Variants in PDIA5 observed in about 807,000 individuals in gnomAD.
PDIA5 encodes the protein protein disulfide isomerase family A member 5, also known as protein disulfide-isomerase A5.
In PDIA5, 58 loss-of-function variants were observed where a neutral mutation model predicts 77.6. The ratio of observed to expected loss-of-function variants is 0.75; its 90% CI spans 0.61 to 0.93. The LOEUF (loss-of-function observed/expected upper bound fraction) is 0.93, where lower values mean the gene tolerates loss of function less well. Ranked by LOEUF, PDIA5 falls within the 40% of genes least tolerant of loss-of-function variation. PDIA5 has a pLI of 0.00. For synonymous variants in PDIA5, 250 were observed against 252.1 expected, an observed-to-expected ratio of 0.99 and a Z score of 0.08; for missense variants, 630 against 647.7, an observed-to-expected ratio of 0.97 and a Z score of 0.30.
intron 11 of PDIA5, among the ~76,000 whole-genome samples, chr3:123,135,427 G>A (rs535022001): frequency 4.1e-4 from 63 of 152,230 alleles, no homozygotes; most frequent in African/African-American, 1.5e-3. Context: ...TGGGGGCCAC[G>A]TGGCTCTACC....
intron 11 of PDIA5, among the ~76,000 whole-genome samples, chr3:123,140,723 T>C (rs1935611142): frequency 6.6e-6 from 1 of 152,202 alleles, no homozygotes; most frequent in Admixed American, 6.5e-5. Context: ...CTGTGTCATG[T>C]GTCTGGTGGG....
At chr3:123,103,446 A>T (rs1007579576) in intron 5 of PDIA5, among the ~76,000 whole-genome samples, 3 of 152,058 alleles carry the variant, frequency 2.0e-5, no homozygotes, top group Non-Finnish European at 2.9e-5. Context: ...CTGAAGCCAT[A>T]CATTTCTCCT....
At chr3:123,103,483 C>T (rs984892610) in intron 5 of PDIA5, among the ~76,000 whole-genome samples, 8 of 152,168 alleles carry the variant, frequency 5.3e-5, no homozygotes, top group African/African-American at 1.7e-4. Flanking sequence ...AACTCACTTC[C>T]TAACCCTCCT....
At chr3:123,102,379 A>G (rs757655664) in intron 3 of PDIA5, 32 bp from the exon 4 acceptor site, 3 of 1,557,118 alleles carry the variant, frequency 1.9e-6, no homozygotes, top group Non-Finnish European at 2.7e-6. Flanking sequence ...GACTTCAGGT[A>G]ATAAATGGTT....
rs145685956 is a variant in PDIA5 at position 123,143,567 on chromosome 3, A to G, written c.911-1955A>G. 5.0e-3 allele frequency among the ~76,000 whole-genome samples: 755 copies of G among 152,128 alleles called. 12 individuals carry two copies. Among genetic ancestry groups the G allele is most frequent in the African/African-American group, 0.016 (682 of 41,490 alleles). On this transcript the variant is annotated intron_variant, in intron 11 of 16. Transcript: ENST00000316218. The stretch of plus-strand genomic sequence containing the variant: ...TTGAAGGCATCATGTGTGCCACTCT[A>G]TTCCCCTCTGGACCAAAGACCATGG...
chr3:123,120,118 G>T (rs894103025), intron 8 of PDIA5, among the ~76,000 whole-genome samples: 1 of 152,190 alleles, frequency 6.6e-6, no homozygotes, highest in Non-Finnish European at 1.5e-5. Flanking sequence ...CCTCTTCCCA[G>T]CCTTGCCAGT....
At chr3:123,117,383 TA>T (rs1935021683) in intron 8 of PDIA5, among the ~76,000 whole-genome samples, 1 of 132,480 alleles carries the variant, frequency 7.5e-6, no homozygotes, top group African/African-American at 2.9e-5. Flanking sequence ...TTTATATATA[TA>T]TATATATATA....
At chr3:123,086,997 C>T (rs907064156) in intron 1 of PDIA5, among the ~76,000 whole-genome samples, 2 of 152,120 alleles carry the variant, frequency 1.3e-5, no homozygotes, top group Admixed American at 6.5e-5. Context: ...AATTCTGACT[C>T]CTGATCTTTT....
At chr3:123,135,615 G>T (rs938854560) in intron 11 of PDIA5, among the ~76,000 whole-genome samples, 1 of 151,778 alleles carries the variant, frequency 6.6e-6, no homozygotes, top group Non-Finnish European at 1.5e-5. Context: ...TTTTTTTTAA[G>T]CTTTTAACTG....
In PDIA5 at chr3:123,127,959, G is replaced by A. The variant is rs1051790144; in HGVS notation, c.774-2521G>A. On this transcript the variant is annotated intron_variant, in intron 10 of 16. Transcript: ENST00000316218. ...AGAGCCCAGTCTTCAAGGAGCTCAC[G>A]GCCTGGGGTAGGCGGGGAGTGAAAA... Among the ~76,000 whole-genome samples the A allele has an allele frequency of 6.6e-5, 10 of 152,288 alleles. 1 individual carries two copies. Among genetic ancestry groups the A allele is most frequent in the Admixed American group, 4.6e-4 (7 of 15,302 alleles).
At chr3:123,122,392 G>T (rs879263382) in intron 8 of PDIA5, among the ~76,000 whole-genome samples, 1 of 152,086 alleles carries the variant, frequency 6.6e-6, no homozygotes, top group Non-Finnish European at 1.5e-5. Context: ...AAGTAAATTC[G>T]AATTCAAATT....
At chr3:123,152,063 GCCTGCCTTTCTT>G (rs1294560696) in intron 14 of PDIA5, among the ~76,000 whole-genome samples, 3 of 106,780 alleles carry the variant, frequency 2.8e-5, no homozygotes, top group African/African-American at 1.1e-4. Context: ...CTTCCTTCCT[GCCTGCCTTTCTT>G]CCTGCCTTCC....
At chr3:123,093,695 G>A (rs956084728) in intron 3 of PDIA5, among the ~76,000 whole-genome samples, 4 of 152,196 alleles carry the variant, frequency 2.6e-5, no homozygotes, top group Admixed American at 2.6e-4. Context: ...GTGAGGAGAA[G>A]GCAGACACTT....
At chr3:123,109,742 TATTTTTGTA>T (rs1322738872) in intron 6 of PDIA5, among the ~76,000 whole-genome samples, 52 of 152,214 alleles carry the variant, frequency 3.4e-4, no homozygotes, top group African/African-American at 1.2e-3. Flanking sequence ...TGCCTGCTGA[TATTTTTGTA>T]GTCTTCCAGG....
intron 13 of PDIA5, among the ~76,000 whole-genome samples, chr3:123,148,463 G>A (rs1935817033): frequency 2.0e-5 from 3 of 151,946 alleles, no homozygotes; most frequent in Admixed American, 2.0e-4. Context: ...CAGCACTTTG[G>A]GAATCTGAGG....
intron 1 of PDIA5, among the ~76,000 whole-genome samples, chr3:123,079,594 T>C (rs748464033): frequency 7.2e-5 from 11 of 152,190 alleles, no homozygotes; most frequent in Non-Finnish European, 1.3e-4. Context: ...GACATTTAGG[T>C]TGTTTATAGG....
chr3:123,069,364 A>G (rs987619209), intron 1 of PDIA5, among the ~76,000 whole-genome samples: 1 of 152,186 alleles, frequency 6.6e-6, no homozygotes, highest in Admixed American at 6.5e-5. Context: ...ACAATAGCAA[A>G]ATGTGGAAAT....
chr3:123,101,669 C>G (rs549417130), intron 3 of PDIA5, among the ~76,000 whole-genome samples: 1 of 152,166 alleles, frequency 6.6e-6, no homozygotes, highest in East Asian at 1.9e-4. Context: ...TTGTCCACCC[C>G]CAACAGAGAT....
rs1350238738 is a variant in PDIA5 at position 123,103,951 on chromosome 3, T to C, written c.387+1155T>C. 2.0e-5 allele frequency among the ~76,000 whole-genome samples: 3 copies of C among 152,320 alleles called. No homozygotes were observed. In the East Asian group the frequency reaches 5.8e-4, roughly 29 times the overall value. Reference sequence around the variant, plus strand: ...TTTTGTTTTGTTATTGAAGGCTGTGTATATTTTATGTTTAACCGGGACCTC... The same window carrying C: ...TTTTGTTTTGTTATTGAAGGCTGTGCATATTTTATGTTTAACCGGGACCTC... On this transcript the variant is annotated intron_variant, in intron 5 of 16. Transcript: ENST00000316218.
Sources: allele counts gnomAD v4.1 joint callset (sites outside exome capture counted in the v4.1 genomes callset), GRCh38; gene constraint gnomAD v4.1.1; transcripts MANE v1.5; gene names NCBI Gene and HGNC (gene_info 2026-07-23, HGNC 2026-07-21).